EPHA6: variants seen among roughly 807,000 people sequenced by gnomAD.
EPHA6 encodes the protein ephrin type-A receptor 6.
Under a neutral mutation model 112.0 loss-of-function variants are expected in EPHA6, and 50 were observed. That is an observed-to-expected ratio of 0.45 (90% CI 0.36 to 0.56). EPHA6 has a LOEUF of 0.56. Among genes scored for constraint, EPHA6 ranks in the 20% least tolerant of loss-of-function variants. EPHA6 has a pLI of 0.00. For missense variants in EPHA6, 1,280 were observed against 1,417.4 expected (o/e 0.90, Z 1.56); for synonymous variants, 529 against 490.7 (o/e 1.08, Z -1.03).
chr3:97,244,621 T>C, intron 5 of EPHA6: 2 of 339,416 alleles, frequency 5.9e-6, no homozygotes, highest in African/African-American at 4.2e-5. Flanking sequence ...ATTAAATGAA[T>C]TGAATTTCAA....
intron 5 of EPHA6, among the ~76,000 whole-genome samples, chr3:97,330,555 T>G (rs769389856): frequency 1.3e-5 from 2 of 152,132 alleles, no homozygotes; most frequent in Non-Finnish European, 2.9e-5. Context: ...GTTGGATTCC[T>G]AGGCATTTAA....
chr3:97,140,114 A>G (rs868781765), intron 3 of EPHA6, among the ~76,000 whole-genome samples: 3 of 152,196 alleles, frequency 2.0e-5, no homozygotes, highest in Middle Eastern at 3.4e-3. Context: ...CAGAACTGGA[A>G]GGCAAATCTT....
At chr3:96,897,636 AC>A (rs1156450325) in intron 2 of EPHA6, among the ~76,000 whole-genome samples, 2 of 152,352 alleles carry the variant, frequency 1.3e-5, no homozygotes, top group African/African-American at 2.4e-5. Flanking sequence ...GCAGATGTTA[AC>A]AAGTATAAAC....
intron 2 of EPHA6, among the ~76,000 whole-genome samples, chr3:96,922,451 T>C (rs1021465552): frequency 1.3e-5 from 2 of 151,956 alleles, no homozygotes; most frequent in Non-Finnish European, 2.9e-5. Context: ...GAAAATAGAC[T>C]ACATTTTTCA....
chr3:97,098,874 T>A (rs1385496083), intron 3 of EPHA6, among the ~76,000 whole-genome samples: 1 of 151,912 alleles, frequency 6.6e-6, no homozygotes, highest in African/African-American at 2.4e-5. Flanking sequence ...GGTTCTGCTG[T>A]CAGCACTGCT....
intron 3 of EPHA6, among the ~76,000 whole-genome samples, chr3:97,098,594 ATTATCT>A (rs1337033075): frequency 6.6e-6 from 1 of 151,902 alleles, no homozygotes; most frequent in Admixed American, 6.6e-5. Flanking sequence ...ATATTATGTG[ATTATCT>A]TTACCTAACT....
rs1324492731 is a variant in EPHA6, at chr3:97,758,988, T to C, written c.*10287T>C. Among the ~76,000 whole-genome samples the C allele has an allele frequency of 2.0e-5, 3 of 152,000 alleles. No homozygotes were observed. The highest frequency in any genetic ancestry group is 4.4e-5 in the Non-Finnish European group (3 of 67,900). On this transcript the variant is annotated 3_prime_UTR_variant, in exon 18 of 18. Transcript: ENST00000389672. ...CTTCAAGATTTGGAAGGCATCAGTA[T>C]ATATATGCTATTTAAAGTTTGGAAA...
intron 3 of EPHA6, among the ~76,000 whole-genome samples, chr3:97,073,625 TCAAA>T (rs547329838): frequency 9.9e-4 from 151 of 152,246 alleles, no homozygotes; most frequent in African/African-American, 3.5e-3. Flanking sequence ...AAAACAAGAT[TCAAA>T]CAATTCAACA....
intron 11 of EPHA6, among the ~76,000 whole-genome samples, chr3:97,552,507 G>A (rs1225286880): frequency 1.3e-5 from 2 of 152,126 alleles, no homozygotes; most frequent in African/African-American, 2.4e-5. Context: ...CAAATATAAT[G>A]GAATGAGGAG....
chr3:97,701,178 A>C (rs946569288), intron 14 of EPHA6, among the ~76,000 whole-genome samples: 5 of 152,218 alleles, frequency 3.3e-5, no homozygotes, highest in Admixed American at 3.3e-4. Flanking sequence ...AACCAAATAG[A>C]GGAGGACAAA....
intron 11 of EPHA6, among the ~76,000 whole-genome samples, chr3:97,540,175 C>T (rs1002988458): frequency 3.9e-5 from 6 of 152,188 alleles, no homozygotes; most frequent in Non-Finnish European, 8.8e-5. Context: ...TGCTTTCTCT[C>T]TTCTACCAAC....
intron 7 of EPHA6, among the ~76,000 whole-genome samples, chr3:97,458,196 G>A (rs1393504532): frequency 2.6e-5 from 4 of 151,250 alleles, no homozygotes; most frequent in African/African-American, 9.7e-5. Flanking sequence ...TTGCAGGAGC[G>A]CTTAAAAGAT....
chr3:97,640,277 G>T (rs1034904745), intron 14 of EPHA6, among the ~76,000 whole-genome samples: 1 of 152,076 alleles, frequency 6.6e-6, no homozygotes, highest in Non-Finnish European at 1.5e-5. Flanking sequence ...AAAAAGACAT[G>T]GAAATGCAAA....
intron 5 of EPHA6, among the ~76,000 whole-genome samples, chr3:97,275,865 T>C (rs1208117525): frequency 1.3e-5 from 2 of 151,582 alleles, no homozygotes; most frequent in Non-Finnish European, 1.5e-5. Flanking sequence ...AAAGGAGGCT[T>C]TGAACTGGGG....
chr3:97,453,029 T>C (rs1369604318), intron 7 of EPHA6, among the ~76,000 whole-genome samples: 1 of 151,654 alleles, frequency 6.6e-6, no homozygotes, highest in Non-Finnish European at 1.5e-5. Context: ...TAAAAAGTAA[T>C]AAAATAAAGA....
intron 11 of EPHA6, among the ~76,000 whole-genome samples, chr3:97,567,396 A>C (rs2093280975): frequency 6.6e-6 from 1 of 152,170 alleles, no homozygotes; most frequent in Admixed American, 6.5e-5. Flanking sequence ...AAAAAAAATC[A>C]ATGTTATCTA....
At chr3:97,398,608 A>AAAAT (rs2086818839) in intron 5 of EPHA6, among the ~76,000 whole-genome samples, 1 of 151,410 alleles carries the variant, frequency 6.6e-6, no homozygotes, top group East Asian at 1.9e-4. Flanking sequence ...TGTTATGCCA[A>AAAAT]AAATAGTACA....
chr3:97,345,730 A>G (rs2108875188), intron 5 of EPHA6, among the ~76,000 whole-genome samples: 1 of 152,314 alleles, frequency 6.6e-6, no homozygotes, highest in Non-Finnish European at 1.5e-5. Context: ...ATGTAAACAT[A>G]TGGTATAACC....
intron 3 of EPHA6, among the ~76,000 whole-genome samples, chr3:97,029,268 CAA>C (rs773030559): frequency 5.3e-5 from 8 of 151,176 alleles, no homozygotes; most frequent in South Asian, 2.1e-4. Flanking sequence ...CTAGTAAGAT[CAA>C]GTTATAAAAG....
Sources: gnomAD v4.1 joint callset for allele counts (sites outside exome capture counted in the v4.1 genomes callset) on GRCh38, gnomAD v4.1.1 for gene constraint, MANE v1.5 for transcripts, NCBI Gene and HGNC (gene_info 2026-07-23, HGNC 2026-07-21) for gene names.